The following ZDHHC21 variants were observed in gnomAD, a reference collection of about 807,000 sequenced individuals.
ZDHHC21 encodes palmitoyltransferase ZDHHC21.
In ZDHHC21, 15 loss-of-function variants were observed where a neutral mutation model predicts 34.6. The ratio of observed to expected loss-of-function variants is 0.43; its 90% CI spans 0.29 to 0.67. The LOEUF (loss-of-function observed/expected upper bound fraction) is 0.67. Among genes scored for constraint, ZDHHC21 ranks in the 30% least tolerant of loss-of-function variants. The pLI, the probability that ZDHHC21 is intolerant of heterozygous loss-of-function variation, is 0.14. For synonymous variants in ZDHHC21, 142 were observed against 101.8 expected (o/e 1.40, Z -2.38); for missense variants, 344 against 327.7 (o/e 1.05, Z -0.38).
rs540582601 is a variant in ZDHHC21, at chr9:14,618,151, C to T, written c.*815G>A. ...TGTGAAGTTATTGCAAATTCTCTCC[C>T]CTTTTTGCTCATTAAAATCTTAGGA... On this transcript the variant is annotated 3_prime_UTR_variant, in exon 10 of 10. Transcript: ENST00000380916. 1 of 152,474 alleles carries T rather than the reference C, an allele frequency of 6.6e-6. No homozygotes were observed. Among genetic ancestry groups the T allele is most frequent in the Admixed American group, 6.6e-5 (1 of 15,232 alleles). The allele number at this position is 152,474 out of a possible 1,614,324, so 9.4% of individuals were successfully genotyped here.
At chr9:14,688,321 C>T (rs562913159) in intron 2 of ZDHHC21, among the ~76,000 whole-genome samples, 2 of 150,766 alleles carry the variant, frequency 1.3e-5, no homozygotes, top group South Asian at 2.1e-4. Flanking sequence ...TACAGGGGAG[C>T]GAAGGAGAGA....
chr9:14,657,158 G>T (rs772120962), intron 7 of ZDHHC21, among the ~76,000 whole-genome samples: 1 of 151,892 alleles, frequency 6.6e-6, no homozygotes, highest in Non-Finnish European at 1.5e-5. Context: ...TTGATTATTG[G>T]AATTTCCTTA....
At chr9:14,610,555 G>A (rs1471967724), downstream of ZDHHC21, among the ~76,000 whole-genome samples, 1 of 151,852 alleles carries the variant, frequency 6.6e-6, no homozygotes, top group Admixed American at 6.6e-5. Context: ...CAATCTCAGG[G>A]CAGTTTCTAC....
chr9:14,658,348 T>C (rs990173018), intron 7 of ZDHHC21, among the ~76,000 whole-genome samples: 2 of 143,010 alleles, frequency 1.4e-5, no homozygotes, highest in African/African-American at 6.1e-5. Flanking sequence ...GAGTTTGCTT[T>C]TGTTGTTTTG....
In ZDHHC21 at chr9:14,629,960, C is replaced by T. The variant is rs9987795; in HGVS notation, c.621+9936G>A. On this transcript the variant is annotated intron_variant, in intron 8 of 9. Transcript: ENST00000380916. ...ACTTGGGAGGCTGAGGCAGGAGAATCGCTTAAACCCGAGAGACAGAGGTTG... is the reference window on the plus strand; with the variant it reads ...ACTTGGGAGGCTGAGGCAGGAGAATTGCTTAAACCCGAGAGACAGAGGTTG... Among the ~76,000 whole-genome samples, 675 of 152,184 alleles carry T rather than the reference C, an allele frequency of 4.4e-3. 8 individuals carry two copies. The highest frequency in any genetic ancestry group is 0.015 in the African/African-American group (636 of 41,522).
intron 8 of ZDHHC21, among the ~76,000 whole-genome samples, chr9:14,635,415 G>C (rs1828107127): frequency 6.6e-6 from 1 of 152,158 alleles, no homozygotes; most frequent in Non-Finnish European, 1.5e-5. Flanking sequence ...CAAAGACAGA[G>C]AATTGTAAAA....
chr9:14,655,881 G>C (rs1832115115), intron 7 of ZDHHC21, among the ~76,000 whole-genome samples: 1 of 151,326 alleles, frequency 6.6e-6, no homozygotes, highest in South Asian at 2.1e-4. Context: ...TGAAATATCT[G>C]CTGTCTGTAA....
chr9:14,678,397 C>A (rs1324994223), intron 3 of ZDHHC21, among the ~76,000 whole-genome samples: 1 of 151,712 alleles, frequency 6.6e-6, no homozygotes, highest in African/African-American at 2.4e-5. Context: ...AAGAGGCATA[C>A]AACATAAATA....
intron 8 of ZDHHC21, chr9:14,622,541 C>T (rs775943837): frequency 1.4e-4 from 133 of 985,052 alleles, no homozygotes; most frequent in Non-Finnish European, 1.6e-4. Flanking sequence ...GTTAACAGAC[C>T]TGAGAACCCA....
At chr9:14,597,644 G>A in the ZDHHC21 span, among the ~76,000 whole-genome samples, 20 of 152,156 alleles carry the variant, frequency 1.3e-4, no homozygotes, top group South Asian at 4.2e-4. Context: ...CATACCATCC[G>A]GGGGTCTGAG....
chr9:14,607,882 T>C (rs1823066959), downstream of ZDHHC21, among the ~76,000 whole-genome samples: 1 of 152,126 alleles, frequency 6.6e-6, no homozygotes, highest in Admixed American at 6.6e-5. Flanking sequence ...TTGGAGACTT[T>C]CAAACGTAAA....
At chr9:14,663,451 T>C (rs1279509510) in intron 5 of ZDHHC21, among the ~76,000 whole-genome samples, 5 of 151,064 alleles carry the variant, frequency 3.3e-5, no homozygotes, top group Non-Finnish European at 5.9e-5. Context: ...TGAAAGATAA[T>C]AGTAGACAAT....
chr9:14,622,891 C>T (rs1049020984), intron 8 of ZDHHC21, among the ~76,000 whole-genome samples: 4 of 152,024 alleles, frequency 2.6e-5, no homozygotes, highest in Admixed American at 6.6e-5. Context: ...TCAATCTAAC[C>T]TCAATTATCC....
chr9:14,624,794 A>T, intron 8 of ZDHHC21, among the ~76,000 whole-genome samples: 1 of 152,046 alleles, frequency 6.6e-6, no homozygotes, highest in East Asian at 1.9e-4. Context: ...TGAAGAGAGG[A>T]TTTCGGATGT....
At chr9:14,608,888 T>C (rs1823107296), downstream of ZDHHC21, among the ~76,000 whole-genome samples, 1 of 152,148 alleles carries the variant, frequency 6.6e-6, no homozygotes, top group African/African-American at 2.4e-5. Flanking sequence ...AATCACGTAT[T>C]TTTAGTTTTT....
At chr9:14,625,009 T>C (rs1331871058) in intron 8 of ZDHHC21, among the ~76,000 whole-genome samples, 1 of 152,082 alleles carries the variant, frequency 6.6e-6, no homozygotes, top group Non-Finnish European at 1.5e-5. Context: ...GCCTGCTTTA[T>C]CTATTACTAA....
intron 3 of ZDHHC21, among the ~76,000 whole-genome samples, chr9:14,677,930 A>C (rs1261486483): frequency 6.6e-6 from 1 of 152,102 alleles, no homozygotes; most frequent in African/African-American, 2.4e-5. Context: ...GAAAAGCATA[A>C]AGATTAGCCA....
chr9:14,677,020 A>C (rs1019680797), intron 3 of ZDHHC21, among the ~76,000 whole-genome samples: 1 of 152,054 alleles, frequency 6.6e-6, no homozygotes, highest in African/African-American at 2.4e-5. Flanking sequence ...ATGAGCCAGC[A>C]AAACGACTGG....
chr9:14,619,115 T>C lies in ZDHHC21; in HGVS notation c.666-17A>G. On this transcript the variant is annotated splice_polypyrimidine_tract_variant and intron_variant, in intron 9 of 9. Coordinates refer to ENST00000380916, the MANE Select transcript of ZDHHC21 (RefSeq NM_178566.6). ...GGCCTCGATCTACAGAAGACAGCAT[T>C]ATTAGTGAAAGACAGCACTCCCATG... 4 of 1,589,440 alleles carry C rather than the reference T, an allele frequency of 2.5e-6. No individual in the cohort carries two copies. The highest frequency in any genetic ancestry group is 3.4e-6 in the Non-Finnish European group (4 of 1,168,870).
Sources: gnomAD v4.1 joint callset for allele counts (sites outside exome capture counted in the v4.1 genomes callset) on GRCh38, gnomAD v4.1.1 for gene constraint, MANE v1.5 for transcripts, NCBI Gene and HGNC (gene_info 2026-07-23, HGNC 2026-07-21) for gene names.